The following TBX5 variants were observed in gnomAD, a reference collection of about 807,000 sequenced individuals.
The protein encoded by TBX5 is T-box transcription factor 5.
Under a neutral mutation model 51.1 loss-of-function variants are expected in TBX5, and 8 were observed. The ratio of observed to expected loss-of-function variants is 0.16; its 90% CI spans 0.09 to 0.28. The LOEUF (loss-of-function observed/expected upper bound fraction) is 0.28, where lower values mean the gene tolerates loss of function less well. Among genes scored for constraint, TBX5 ranks in the 10% least tolerant of loss-of-function variants. The pLI, the probability that TBX5 is intolerant of heterozygous loss-of-function variation, is 1.00. For synonymous variants in TBX5, 302 were observed against 266.4 expected, an observed-to-expected ratio of 1.13 and a Z score of -1.30; for missense variants, 589 against 671.7, an observed-to-expected ratio of 0.88 and a Z score of 1.36.
At chr12:114,364,178 C>T (rs535245141) in intron 8 of TBX5, among the ~76,000 whole-genome samples, 2 of 152,172 alleles carry the variant, frequency 1.3e-5, no homozygotes, top group East Asian at 3.8e-4. Flanking sequence ...TCATGTAACC[C>T]CAGCTCCAGA....
intron 7 of TBX5, among the ~76,000 whole-genome samples, chr12:114,380,202 A>C (rs1463872340): frequency 6.6e-6 from 1 of 152,170 alleles, no homozygotes; most frequent in Non-Finnish European, 1.5e-5. Context: ...TTTGGCTCCT[A>C]GGAAGTTCAG....
At chr12:114,378,510 G>T (rs1427606337) in intron 7 of TBX5, among the ~76,000 whole-genome samples, 1 of 152,238 alleles carries the variant, frequency 6.6e-6, no homozygotes, top group African/African-American at 2.4e-5. Context: ...CAGACACTGT[G>T]CTGTGTGCTT....
chr12:114,357,606 A>G (rs1305102508), intron 8 of TBX5, among the ~76,000 whole-genome samples: 1 of 152,218 alleles, frequency 6.6e-6, no homozygotes, highest in Non-Finnish European at 1.5e-5. Context: ...CAACATGAAC[A>G]GCTCTTGTTG....
At chr12:114,389,622 C>A (rs1422182056) in intron 6 of TBX5, among the ~76,000 whole-genome samples, 1 of 147,436 alleles carries the variant, frequency 6.8e-6, no homozygotes. Context: ...GGCGTAGTGG[C>A]GGGCACCTGT....
intron 8 of TBX5, among the ~76,000 whole-genome samples, chr12:114,365,172 G>A (rs202206342): frequency 1.1e-4 from 2 of 17,738 alleles, no homozygotes; most frequent in African/African-American, 2.3e-4. Context: ...TTTGTGATGT[G>A]TGTGTGTGTG....
In TBX5 at chr12:114,403,884, G is replaced by A. The variant is rs767487291; in HGVS notation, c.15C>T (p.Asp5=). 22 of 1,612,830 alleles carry A rather than the reference G, an allele frequency of 1.4e-5. No homozygotes were observed. The highest frequency in any genetic ancestry group is 1.6e-5 in the Non-Finnish European group (19 of 1,179,902). Residue 5 remains aspartate (D), a synonymous_variant, in exon 2 of 9, where the codon GAC becomes GAT. Coordinates refer to ENST00000405440, the MANE Select transcript of TBX5 (RefSeq NM_181486.4). ...GCGTGTGCGCCAGGCCAAAGCCCTC[G>A]TCTGCGTCGGCCATGGTGCGCCCAG... MADA[D]EGFGLAHTPL...
At chr12:114,367,812 A>G (rs1022646656) in intron 7 of TBX5, among the ~76,000 whole-genome samples, 24 of 152,206 alleles carry the variant, frequency 1.6e-4, no homozygotes, top group Non-Finnish European at 3.1e-4. Context: ...TACAAACTGC[A>G]TATATTGCTA....
chr12:114,385,995 G>A (rs758194949), intron 6 of TBX5, among the ~76,000 whole-genome samples: 20 of 152,258 alleles, frequency 1.3e-4, no homozygotes, highest in South Asian at 4.1e-4. Flanking sequence ...TGACCCCATC[G>A]TGTGTTTCTG....
In TBX5 at chr12:114,405,860, C is replaced by A. The variant is rs535146392; in HGVS notation, c.-271G>T. The stretch of plus-strand genomic sequence containing the variant: ...GCTGTGCGCTTGCTCTCCCTAAATA[C>A]TTCCCAGTTGGCAAGCGCCAAAGAA... On this transcript the variant is annotated 5_prime_UTR_variant, in exon 1 of 9. Coordinates refer to ENST00000405440, the MANE Select transcript of TBX5 (RefSeq NM_181486.4). The A allele has an allele frequency of 2.4e-5, 24 of 985,512 alleles. 1 individual carries two copies. The South Asian group carries it at 1.1e-3, about 46-fold the overall frequency. The allele number at this position is 985,512 out of a possible 1,614,324, so 61.0% of individuals were successfully genotyped here.
intron 7 of TBX5, among the ~76,000 whole-genome samples, chr12:114,377,065 C>T (rs1477870452): frequency 1.3e-5 from 2 of 152,158 alleles, no homozygotes; most frequent in Non-Finnish European, 2.9e-5. Flanking sequence ...AGACACAACC[C>T]CGCTCTTGTT....
chr12:114,403,361 G>C (rs567092944), intron 2 of TBX5, among the ~76,000 whole-genome samples: 1 of 152,220 alleles, frequency 6.6e-6, no homozygotes, highest in Non-Finnish European at 1.5e-5. Flanking sequence ...GGCCTGAATC[G>C]GCCGCTGACC....
intron 6 of TBX5, among the ~76,000 whole-genome samples, chr12:114,386,943 AT>A (rs35265227): frequency 0.52 from 78,500 of 149,632 alleles, 21,622 homozygotes; most frequent in Admixed American, 0.68. Flanking sequence ...AAAATACAAA[AT>A]TTAAAAAAAA....
chr12:114,397,734 G>A (rs1018820317), intron 5 of TBX5, among the ~76,000 whole-genome samples: 4 of 152,080 alleles, frequency 2.6e-5, no homozygotes, highest in African/African-American at 4.8e-5. Flanking sequence ...GTTTACATTC[G>A]CCTGCTCTGG....
Position 114,355,682 on chromosome 12 carries a change from C to G in TBX5, c.1407G>C (p.Gln469His), listed in dbSNP as rs373007088. The part of the protein sequence containing the change: ...TSVAHQPVVR[Q>H]CGPQTGLQSP... The stretch of plus-strand genomic sequence containing the variant: ...ACTGCAGGCCAGTCTGAGGCCCACA[C>G]TGCCTGACCACAGGCTGGTGGGCCA... The change falls in exon 9 of 9, where the codon CAG becomes CAC. Residue 469 changes from glutamine to histidine, a missense_variant. Around this residue, in one of 7 missense-constraint regions of TBX5, gnomAD observed 348 missense variants for 360.4 expected, o/e 0.97. Transcript: ENST00000405440. 9 of 1,614,158 alleles carry G rather than the reference C, an allele frequency of 5.6e-6. No individual in the cohort carries two copies. The highest frequency in any genetic ancestry group is 6.8e-6 in the Non-Finnish European group (8 of 1,180,018).
chr12:114,384,690 A>T (rs947193920), intron 7 of TBX5, among the ~76,000 whole-genome samples: 1 of 148,296 alleles, frequency 6.7e-6, no homozygotes, highest in African/African-American at 2.5e-5. Flanking sequence ...TGAAACACTA[A>T]ACCCACCAAA....
At chr12:114,384,864 G>C (rs958600114) in intron 7 of TBX5, among the ~76,000 whole-genome samples, 8 of 152,052 alleles carry the variant, frequency 5.3e-5, no homozygotes, top group Non-Finnish European at 8.8e-5. Context: ...CACAAAATTG[G>C]CAATGCTTGT....
intron 7 of TBX5, among the ~76,000 whole-genome samples, chr12:114,375,863 G>A (rs1870156933): frequency 6.6e-6 from 1 of 152,122 alleles, no homozygotes; most frequent in African/African-American, 2.4e-5. Context: ...GAGCAACATA[G>A]CAAGGTCTTG....
intron 7 of TBX5, among the ~76,000 whole-genome samples, chr12:114,372,658 G>A (rs1026494033): frequency 6.6e-6 from 1 of 152,042 alleles, no homozygotes; most frequent in Non-Finnish European, 1.5e-5. Context: ...GGGGTGCCAA[G>A]AAACTCAAAG....
chr12:114,382,115 G>A (rs934942393), intron 7 of TBX5, among the ~76,000 whole-genome samples: 1 of 152,144 alleles, frequency 6.6e-6, no homozygotes, highest in Admixed American at 6.5e-5. Flanking sequence ...ACAGTTGTGT[G>A]ACCAGCCTGG....
Sources: allele counts gnomAD v4.1 joint callset (sites outside exome capture counted in the v4.1 genomes callset), GRCh38; gene constraint gnomAD v4.1.1; regional missense constraint gnomAD v4.1.1; transcripts MANE v1.5; gene names NCBI Gene and HGNC (gene_info 2026-07-23, HGNC 2026-07-21).